The following FAF1 variants were observed in gnomAD, a reference collection of about 807,000 sequenced individuals.
FAF1 encodes the protein Fas associated factor 1.
Under a neutral mutation model 92.5 loss-of-function variants are expected in FAF1, and 25 were observed. The observed-to-expected ratio is 0.27, with a 90% CI of 0.20 to 0.38. FAF1 has a LOEUF of 0.38. Ranked by LOEUF, FAF1 falls within the 10% of genes least tolerant of loss-of-function variation. The pLI is 1.00. For synonymous variants in FAF1, 234 were observed against 273.2 expected (o/e 0.86, Z 1.42); for missense variants, 636 against 793.3 (o/e 0.80, Z 2.38).
At chr1:50,491,870 A>G in intron 15 of FAF1, 69 bp from the exon 16 acceptor site, 1 of 1,152,856 alleles carries the variant, frequency 8.7e-7, no homozygotes, top group East Asian at 2.5e-5. Context: ...AAAAAAAACT[A>G]ATGGTAATCC....
In FAF1 at chr1:50,520,548, T is replaced by G. The variant is rs533502254; in HGVS notation, c.1494+14821A>C. 2.0e-5 allele frequency among the ~76,000 whole-genome samples: 3 copies of G among 152,250 alleles called. No homozygotes were observed. The East Asian group carries it at 5.8e-4, about 29-fold the overall frequency. The stretch of plus-strand genomic sequence containing the variant: ...CTGTACTGTACTTTCCAGAACCAGA[T>G]CAAATCTTACCTCTTAGGCCATGCA... On this transcript the variant is annotated intron_variant, in intron 15 of 18. Coordinates refer to ENST00000396153, the MANE Select transcript of FAF1 (RefSeq NM_007051.3).
chr1:50,475,662 T>C lies in FAF1; in HGVS notation c.1671A>G (p.Leu557=), dbSNP rs1204119093. 3 of 1,613,810 alleles carry C rather than the reference T, an allele frequency of 1.9e-6. No homozygotes were observed. Among genetic ancestry groups the C allele is most frequent in the Non-Finnish European group, 1.7e-6 (2 of 1,179,854 alleles). ...EEEREAIRLS[L]EQALPPEPKE... is the part of the protein sequence containing the mutation. ...TTGGCTCAGGAGGCAGGGCTTGCTC[T>C]AAGGACAGCCGGATGGCCTAGGGAG... is the stretch of plus-strand genomic sequence containing the variant. The change falls in exon 18 of 19, where the codon TTA becomes TTG. Residue 557 remains leucine (L), a synonymous_variant. Coordinates refer to ENST00000396153, the MANE Select transcript of FAF1 (RefSeq NM_007051.3).
intron 6 of FAF1, among the ~76,000 whole-genome samples, chr1:50,724,203 G>A (rs1332443238): frequency 7.0e-6 from 1 of 143,396 alleles, no homozygotes; most frequent in East Asian, 2.1e-4. Flanking sequence ...ATGCCACCAC[G>A]CTACAGCCTG....
At chr1:50,906,998 A>G (rs928149856) in intron 1 of FAF1, among the ~76,000 whole-genome samples, 5 of 152,196 alleles carry the variant, frequency 3.3e-5, no homozygotes, top group African/African-American at 1.2e-4. Flanking sequence ...TGCATTCAGT[A>G]TGATATTGGC....
chr1:50,846,508 CCG>C, intron 2 of FAF1: 1 of 495,100 alleles, frequency 2.0e-6, no homozygotes, highest in East Asian at 5.4e-5. Flanking sequence ...GAAAGCCATG[CCG>C]CGGCCAGACT....
At chr1:50,945,461 G>T in intron 1 of FAF1, among the ~76,000 whole-genome samples, 1 of 152,204 alleles carries the variant, frequency 6.6e-6, no homozygotes, top group East Asian at 1.9e-4. Flanking sequence ...TTTAGCAGGA[G>T]GCACAAGTCT....
chr1:50,772,260 T>G (rs747258603), intron 4 of FAF1, among the ~76,000 whole-genome samples: 15 of 152,218 alleles, frequency 9.9e-5, no homozygotes, highest in Non-Finnish European at 1.5e-4. Flanking sequence ...GAATGTAAAT[T>G]AGTTCAGCCT....
At chr1:50,844,286 G>A (rs1644280447) in intron 2 of FAF1, among the ~76,000 whole-genome samples, 1 of 152,032 alleles carries the variant, frequency 6.6e-6, no homozygotes, top group Non-Finnish European at 1.5e-5. Context: ...ATCCCGTCAG[G>A]TGAATAGTTT....
intron 18 of FAF1, among the ~76,000 whole-genome samples, chr1:50,468,199 ACT>A (rs1402649188): frequency 1.3e-5 from 2 of 151,992 alleles, no homozygotes; most frequent in African/African-American, 2.4e-5. Flanking sequence ...ACAGAGTGAG[ACT>A]CTGTCTCAAA....
At chr1:50,605,287 T>C (rs1162146986) in intron 8 of FAF1, among the ~76,000 whole-genome samples, 2 of 152,208 alleles carry the variant, frequency 1.3e-5, no homozygotes. Flanking sequence ...ACTTCATTAC[T>C]TATTGATTTT....
chr1:50,603,655 A>T (rs1652249661), intron 8 of FAF1, among the ~76,000 whole-genome samples: 2 of 152,070 alleles, frequency 1.3e-5, no homozygotes, highest in Non-Finnish European at 2.9e-5. Flanking sequence ...TTTGTCACTT[A>T]TGTGCTAGAA....
intron 4 of FAF1, among the ~76,000 whole-genome samples, chr1:50,764,202 A>T (rs1050181836): frequency 6.6e-6 from 1 of 152,184 alleles, no homozygotes; most frequent in African/African-American, 2.4e-5. Context: ...AATATTTTTA[A>T]CTTCCTCAGT....
In FAF1 at chr1:50,763,444, A is replaced by C. The variant is rs912407904; in HGVS notation, c.368-18669T>G. 9.2e-5 allele frequency among the ~76,000 whole-genome samples: 14 copies of C among 151,842 alleles called. 1 individual carries two copies. The South Asian group carries it at 2.9e-3, about 32-fold the overall frequency. On this transcript the variant is annotated intron_variant, in intron 4 of 18. Coordinates refer to ENST00000396153, the MANE Select transcript of FAF1 (RefSeq NM_007051.3). ...TGTTATGAAACTTCTTAGATTTGTG[A>C]GTTTATAGTTCTCACCAAATTTGGC...
chr1:50,674,037 G>A (rs532759932), intron 7 of FAF1, among the ~76,000 whole-genome samples: 70 of 151,240 alleles, frequency 4.6e-4, no homozygotes, highest in African/African-American at 1.6e-3. Context: ...TGCAACCTCC[G>A]CCAGCCAGGT....
At chr1:50,463,560 T>C (rs757828703) in intron 18 of FAF1, among the ~76,000 whole-genome samples, 2 of 152,244 alleles carry the variant, frequency 1.3e-5, no homozygotes, top group African/African-American at 2.4e-5. Flanking sequence ...GTGCTGGAAA[T>C]AGCACTTAAT....
At chr1:50,949,654 C>T (rs892916274) in intron 1 of FAF1, among the ~76,000 whole-genome samples, 5 of 152,174 alleles carry the variant, frequency 3.3e-5, no homozygotes, top group Non-Finnish European at 4.4e-5. Flanking sequence ...CATACGTGCA[C>T]GACTATATTC....
chr1:50,535,441 A>C lies in FAF1; in HGVS notation c.1422T>G (p.Asp474Glu), dbSNP rs1480028182. 6.2e-7 allele frequency: 1 copy of C among 1,609,222 alleles called. No homozygotes were observed. The highest frequency in any genetic ancestry group is 1.7e-5 in the Admixed American group (1 of 59,934). Residue 474 changes from aspartate to glutamate, a missense_variant, in exon 15 of 19, where the codon GAT (aspartate) becomes GAG (glutamate). Around this residue, in one of 2 missense-constraint regions of FAF1, gnomAD observed 319 missense variants for 451.0 expected, o/e 0.71. Coordinates refer to ENST00000396153, the MANE Select transcript of FAF1 (RefSeq NM_007051.3). ...LNVIQGNTTV[D>E]ELMMRLMAAM... ...CAGCCATGAGTCTCATCATTAACTCATCTACTGTTGTGTTCCCTAAAAACA... is the reference window on the plus strand; with the variant it reads ...CAGCCATGAGTCTCATCATTAACTCCTCTACTGTTGTGTTCCCTAAAAACA...
intron 1 of FAF1, among the ~76,000 whole-genome samples, chr1:50,940,282 A>G (rs1645120955): frequency 6.6e-6 from 1 of 152,210 alleles, no homozygotes; most frequent in African/African-American, 2.4e-5. Context: ...TCATATCATC[A>G]AATATCTATC....
intron 9 of FAF1, among the ~76,000 whole-genome samples, chr1:50,587,020 C>G (rs1255312421): frequency 6.6e-6 from 1 of 152,146 alleles, no homozygotes; most frequent in African/African-American, 2.4e-5. Flanking sequence ...TTAATCTTGC[C>G]TAGTACTCAC....
Sources: allele counts gnomAD v4.1 joint callset (sites outside exome capture counted in the v4.1 genomes callset), GRCh38; gene constraint gnomAD v4.1.1; regional missense constraint gnomAD v4.1.1; transcripts MANE v1.5; gene names NCBI Gene and HGNC (gene_info 2026-07-23, HGNC 2026-07-21).